ITGB3BP: variants seen among roughly 807,000 people sequenced by gnomAD.
ITGB3BP encodes integrin subunit beta 3 binding protein.
Under a neutral mutation model 29.1 loss-of-function variants are expected in ITGB3BP, and 27 were observed. The observed-to-expected ratio is 0.93, with a 90% CI of 0.68 to 1.28. ITGB3BP has a LOEUF of 1.28. Among genes scored for constraint, ITGB3BP ranks in the 50% most tolerant of loss-of-function variants. The probability of loss-of-function intolerance (pLI) is 0.00; values close to 1 mark genes in which losing one functional copy is unlikely to be tolerated. For missense variants in ITGB3BP, 192 were observed against 200.2 expected, an observed-to-expected ratio of 0.96 and a Z score of 0.25; for synonymous variants, 61 against 61.4, an observed-to-expected ratio of 0.99 and a Z score of 0.03.
chr1:63,513,332 T>G (rs995630393), intron 1 of ITGB3BP, among the ~76,000 whole-genome samples: 2 of 152,222 alleles, frequency 1.3e-5, no homozygotes, highest in Non-Finnish European at 2.9e-5. Context: ...CTATCATTAT[T>G]TATTTTGATG....
intron 3 of ITGB3BP, among the ~76,000 whole-genome samples, chr1:63,485,431 T>C (rs1269125664): frequency 6.6e-6 from 1 of 151,696 alleles, no homozygotes; most frequent in African/African-American, 2.4e-5. Context: ...TGTTTGACTT[T>C]TTTTTTTCAC....
intron 1 of ITGB3BP, among the ~76,000 whole-genome samples, chr1:63,520,142 T>G (rs1327971146): frequency 6.6e-6 from 1 of 152,242 alleles, no homozygotes; most frequent in African/African-American, 2.4e-5. Context: ...ATTTGATTAC[T>G]TACAGCAAGA....
chr1:63,454,809 C>T lies in ITGB3BP; in HGVS notation c.333+81G>A. 1.6e-6 allele frequency: 1 copy of T among 628,854 alleles called. No individual in the cohort carries two copies. Among genetic ancestry groups the T allele is most frequent in the Non-Finnish European group, 2.7e-6 (1 of 369,818 alleles). 39.0% of individuals were successfully genotyped at this position (628,854 alleles called of 1,614,324 possible). On this transcript the variant is annotated intron_variant, in intron 5 of 8. Coordinates refer to ENST00000271002, the MANE Select transcript of ITGB3BP (RefSeq NM_014288.5). The surrounding 1 kb of genome is among the most constrained non-coding windows in gnomAD (Gnocchi z 4.1). ...TAAACATACTCTATGCAAACTCTTTCCTGGATTGGATTCTCCAATCTGGGA... is the reference window on the plus strand; with the variant it reads ...TAAACATACTCTATGCAAACTCTTTTCTGGATTGGATTCTCCAATCTGGGA...
chr1:63,473,346 C>CG (rs1169702172), intron 4 of ITGB3BP, among the ~76,000 whole-genome samples: 7 of 130,422 alleles, frequency 5.4e-5, no homozygotes, highest in Admixed American at 4.7e-4. Flanking sequence ...AGGGAGGTGG[C>CG]GGGGGGTCAG....
intron 3 of ITGB3BP, among the ~76,000 whole-genome samples, chr1:63,482,882 G>A (rs1034075743): frequency 2.0e-5 from 3 of 152,068 alleles, no homozygotes; most frequent in Non-Finnish European, 1.5e-5. Context: ...TCAAACTCCT[G>A]ACCTCAGGTG....
intron 4 of ITGB3BP, among the ~76,000 whole-genome samples, chr1:63,461,246 T>C (rs1235049354): frequency 1.1e-5 from 1 of 87,594 alleles, no homozygotes; most frequent in African/African-American, 4.5e-5. Flanking sequence ...AGAGTGAGAC[T>C]CCATCTCAAA....
At chr1:63,524,122 T>C (rs1235700983), upstream of ITGB3BP, among the ~76,000 whole-genome samples, 1 of 152,192 alleles carries the variant, frequency 6.6e-6, no homozygotes, top group Non-Finnish European at 1.5e-5. Flanking sequence ...CATTTCTGCC[T>C]TGGGATTTCC....
At chr1:63,447,171 C>A (rs1471692765) in intron 7 of ITGB3BP, 1 of 304,380 alleles carries the variant, frequency 3.3e-6, no homozygotes, top group East Asian at 6.9e-5. Context: ...GATTCTATAT[C>A]CCTGAGGGCA....
At chr1:63,495,369 G>T (rs116149532) in intron 2 of ITGB3BP, among the ~76,000 whole-genome samples, 4 of 152,136 alleles carry the variant, frequency 2.6e-5, no homozygotes, top group Admixed American at 6.5e-5. Flanking sequence ...TTTCCAAAGA[G>T]AATGAAGAAT....
chr1:63,493,697 A>C (rs1405790242), intron 2 of ITGB3BP, among the ~76,000 whole-genome samples: 1 of 152,118 alleles, frequency 6.6e-6, no homozygotes, highest in African/African-American at 2.4e-5. Flanking sequence ...TCCTTCCTTC[A>C]ATTTCTTTCA....
At chr1:63,486,884 A>G (rs1645541359) in intron 3 of ITGB3BP, among the ~76,000 whole-genome samples, 1 of 152,092 alleles carries the variant, frequency 6.6e-6, no homozygotes, top group Non-Finnish European at 1.5e-5. Context: ...CACATGGTCA[A>G]GCAGATACTT....
intron 2 of ITGB3BP, among the ~76,000 whole-genome samples, chr1:63,505,987 T>A (rs1000849753): frequency 2.6e-5 from 4 of 152,212 alleles, no homozygotes; most frequent in Non-Finnish European, 5.9e-5. Flanking sequence ...GAATGTATAT[T>A]CTGTTGATTT....
At chr1:63,463,451 C>G (rs144555306) in intron 4 of ITGB3BP, among the ~76,000 whole-genome samples, 22 of 152,122 alleles carry the variant, frequency 1.4e-4, no homozygotes, top group Non-Finnish European at 5.9e-5. Flanking sequence ...ATGTCAATTT[C>G]CTGGTTGTGA....
At chr1:63,467,494 ACAC>A (rs969746017) in intron 4 of ITGB3BP, among the ~76,000 whole-genome samples, 1 of 150,648 alleles carries the variant, frequency 6.6e-6, no homozygotes, top group African/African-American at 2.4e-5. Flanking sequence ...GACTACAGGC[ACAC>A]CACCACATCC....
intron 7 of ITGB3BP, among the ~76,000 whole-genome samples, chr1:63,448,498 AT>A (rs987790138): frequency 1.3e-5 from 2 of 152,016 alleles, no homozygotes; most frequent in Admixed American, 1.3e-4. Context: ...ATCACCTAAT[AT>A]TTAATAATTA....
intron 4 of ITGB3BP, among the ~76,000 whole-genome samples, chr1:63,464,874 A>G (rs1028087739): frequency 6.6e-6 from 1 of 152,152 alleles, no homozygotes; most frequent in Non-Finnish European, 1.5e-5. Flanking sequence ...GACGTACAAA[A>G]AACAGTCTAC....
intron 2 of ITGB3BP, among the ~76,000 whole-genome samples, chr1:63,505,581 C>G (rs1490245357): frequency 9.9e-5 from 15 of 152,132 alleles, no homozygotes; most frequent in Admixed American, 3.9e-4. Context: ...TCTTGCTTCT[C>G]TAGTTCTTTT....
At chr1:63,441,528 G>A (rs1257672274) in intron 8 of ITGB3BP, among the ~76,000 whole-genome samples, 1 of 151,984 alleles carries the variant, frequency 6.6e-6, no homozygotes, top group Admixed American at 6.6e-5. Flanking sequence ...GAGCCACTGT[G>A]CCCGGCCTTA....
At chr1:63,443,633 G>T (rs1644755185) in intron 8 of ITGB3BP, among the ~76,000 whole-genome samples, 1 of 152,118 alleles carries the variant, frequency 6.6e-6, no homozygotes, top group Admixed American at 6.6e-5. Flanking sequence ...AGGCTGTAGG[G>T]GAAAGGGACC....
Sources: allele counts gnomAD v4.1 joint callset (sites outside exome capture counted in the v4.1 genomes callset), GRCh38; gene constraint gnomAD v4.1.1; non-coding constraint Gnocchi (gnomAD v3.1); transcripts MANE v1.5; gene names NCBI Gene and HGNC (gene_info 2026-07-23, HGNC 2026-07-21).